ARHGAP8: variants seen among roughly 807,000 people sequenced by gnomAD.
ARHGAP8 encodes the protein Rho GTPase activating protein 8.
ARHGAP8 carries 62 observed loss-of-function variants against 46.1 expected under a neutral mutation model. The observed-to-expected ratio is 1.34, with a 90% CI of 1.10 to 1.66. ARHGAP8 has a LOEUF of 1.66. Ranked by LOEUF, ARHGAP8 falls within the 40% of genes most tolerant of loss-of-function variation. ARHGAP8 has a pLI of 0.00. For synonymous variants in ARHGAP8, 375 were observed against 243.1 expected, an observed-to-expected ratio of 1.54 and a Z score of -5.05; for missense variants, 923 against 568.4, an observed-to-expected ratio of 1.62 and a Z score of -6.34.
rs960446465 is a variant in ARHGAP8 at position 44,796,649 on chromosome 22, G to T, written c.80-5428G>T. 3.3e-5 allele frequency among the ~76,000 whole-genome samples: 5 copies of T among 152,102 alleles called. No homozygotes were observed. The East Asian group carries it at 9.7e-4, about 29-fold the overall frequency. ...CCAGTTGGTGATGCTATGATGATGGGCCCAAAGGGGAGGCCTCTTAACTCC... is the reference window on the plus strand; with the variant it reads ...CCAGTTGGTGATGCTATGATGATGGTCCCAAAGGGGAGGCCTCTTAACTCC... On this transcript the variant is annotated intron_variant, in intron 2 of 11. Transcript: ENST00000356099.
At chr22:44,775,654 C>G (rs891334350) in intron 1 of ARHGAP8, among the ~76,000 whole-genome samples, 10 of 151,606 alleles carry the variant, frequency 6.6e-5, no homozygotes, top group African/African-American at 2.4e-4. Flanking sequence ...TTCATCATGT[C>G]GGCTGGGCTG....
intron 1 of ARHGAP8, among the ~76,000 whole-genome samples, chr22:44,776,989 C>G (rs972321320): frequency 1.3e-5 from 2 of 152,140 alleles, no homozygotes; most frequent in Non-Finnish European, 2.9e-5. Flanking sequence ...GCTGTTCCTG[C>G]TGTTTCTGGG....
Position 44,778,843 on chromosome 22 carries a change from C to T in ARHGAP8, c.-71-7614C>T, listed in dbSNP as rs1926611698. Reference sequence around the variant, plus strand: ...CATTTCTGCCCCCAGTTCTAATGGTCAGCCCTCCTCTCTCTCTAACCCCAC... The same window carrying T: ...CATTTCTGCCCCCAGTTCTAATGGTTAGCCCTCCTCTCTCTCTAACCCCAC... On this transcript the variant is annotated intron_variant, in intron 1 of 11. Coordinates refer to ENST00000356099, the MANE Select transcript of ARHGAP8 (RefSeq NM_181335.3). Among the ~76,000 whole-genome samples, 6 of 152,152 alleles carry T rather than the reference C, an allele frequency of 3.9e-5. No homozygotes were observed. The South Asian group carries it at 1.2e-3, about 32-fold the overall frequency.
chr22:44,861,703 C>T (rs2070494097), intron 11 of ARHGAP8, among the ~76,000 whole-genome samples: 1 of 152,156 alleles, frequency 6.6e-6, no homozygotes, highest in Non-Finnish European at 1.5e-5. Flanking sequence ...ACTGGCTGGC[C>T]ACATGACCTT....
chr22:44,823,025 T>TG (rs777741172), intron 6 of ARHGAP8, among the ~76,000 whole-genome samples: 9 of 152,242 alleles, frequency 5.9e-5, no homozygotes, highest in Non-Finnish European at 1.3e-4. Flanking sequence ...ACCCCCAGCC[T>TG]GGGTTCCCTC....
intron 7 of ARHGAP8, among the ~76,000 whole-genome samples, chr22:44,838,793 T>A (rs762290163): frequency 3.3e-5 from 5 of 152,200 alleles, no homozygotes; most frequent in Non-Finnish European, 5.9e-5. Flanking sequence ...TGGGCCCATT[T>A]GTTCATCTGT....
intron 11 of ARHGAP8, 58 bp downstream of exon 11, chr22:44,859,892 G>T (rs927984774): frequency 2.5e-6 from 4 of 1,578,848 alleles, no homozygotes; most frequent in African/African-American, 2.7e-5. Context: ...TCCCATGCTG[G>T]GCCCGCATGG....
intron 10 of ARHGAP8, among the ~76,000 whole-genome samples, chr22:44,859,195 T>C (rs1432243683): frequency 6.6e-6 from 1 of 152,262 alleles, no homozygotes; most frequent in East Asian, 1.9e-4. Context: ...TGATAGGGCT[T>C]GGATCTGAGT....
At chr22:44,758,499 C>A (rs1461421296) in intron 1 of ARHGAP8, among the ~76,000 whole-genome samples, 6 of 152,070 alleles carry the variant, frequency 3.9e-5, no homozygotes. Context: ...CCCAGGCAGC[C>A]GGTGAGGAGG....
intron 10 of ARHGAP8, 153 bp downstream of exon 10, chr22:44,849,213 T>G (rs555118729): frequency 7.1e-7 from 1 of 1,408,724 alleles, no homozygotes; most frequent in African/African-American, 1.4e-5. Context: ...GAGAGGGGGT[T>G]GTTGGGGCTG....
intron 3 of ARHGAP8, among the ~76,000 whole-genome samples, chr22:44,805,532 G>A (rs1379748186): frequency 1.3e-5 from 2 of 152,046 alleles, no homozygotes; most frequent in Non-Finnish European, 2.9e-5. Flanking sequence ...GCTTATCCAA[G>A]ATTCCTTTAC....
At chr22:44,830,128 A>G (rs755166524) in intron 7 of ARHGAP8, among the ~76,000 whole-genome samples, 26 of 147,346 alleles carry the variant, frequency 1.8e-4, no homozygotes, top group Admixed American at 2.7e-4. Context: ...GGTTCAAGCA[A>G]TTCTCCTGTC....
chr22:44,862,230 C>A (rs113162278), intron 11 of ARHGAP8, 45 bp from the exon 12 acceptor site: 3 of 1,543,344 alleles, frequency 1.9e-6, no homozygotes, highest in East Asian at 4.5e-5. Flanking sequence ...GGTGCCCGTG[C>A]CCCTTGGTGT....
In ARHGAP8 at chr22:44,860,526, G is replaced by A. The variant is rs559699698; in HGVS notation, c.981+692G>A. Among the ~76,000 whole-genome samples the A allele has an allele frequency of 8.5e-4, 98 of 115,724 alleles. 1 individual carries two copies. Among genetic ancestry groups the A allele is most frequent in the African/African-American group, 2.8e-3 (90 of 31,584 alleles). 75.9% of individuals were successfully genotyped at this position (115,724 alleles called of 152,430 possible). On this transcript the variant is annotated intron_variant, in intron 11 of 11. Coordinates refer to ENST00000356099, the MANE Select transcript of ARHGAP8 (RefSeq NM_181335.3). ...GGTTTAGGACCCACCCAGATGACGCGGGATGATCTCATCTTGAGATCCTCA... is the reference window on the plus strand; with the variant it reads ...GGTTTAGGACCCACCCAGATGACGCAGGATGATCTCATCTTGAGATCCTCA...
intron 3 of ARHGAP8, among the ~76,000 whole-genome samples, chr22:44,807,132 CAG>C (rs1173666006): frequency 1.3e-5 from 2 of 152,130 alleles, no homozygotes; most frequent in East Asian, 3.9e-4. Flanking sequence ...CCCACAGCCT[CAG>C]AGAGTGGGGC....
chr22:44,816,528 T>C (rs1222164433), intron 5 of ARHGAP8, among the ~76,000 whole-genome samples: 1 of 152,144 alleles, frequency 6.6e-6, no homozygotes, highest in Non-Finnish European at 1.5e-5. Flanking sequence ...AGAGCTACTC[T>C]GCAGCCAGAC....
intron 7 of ARHGAP8, among the ~76,000 whole-genome samples, chr22:44,841,038 G>C (rs1931617190): frequency 6.6e-6 from 1 of 152,192 alleles, no homozygotes; most frequent in African/African-American, 2.4e-5. Context: ...ATGCAGGGCT[G>C]CCTTTCAGGG....
At position 44,859,921 on chromosome 22, in the gene ARHGAP8, C is replaced by T. The variant is rs1028993613; in HGVS notation, c.981+87C>T. On this transcript the variant is annotated intron_variant, in intron 11 of 11. Transcript: ENST00000356099. ...CGCATGGACCAGTCCCCTCCTTGCC[C>T]TGGGTCTGGGGTCATGCCCTGCTTG... 50 of 1,475,858 alleles carry T rather than the reference C, an allele frequency of 3.4e-5. 1 individual carries two copies. The highest frequency in any genetic ancestry group is 1.4e-4 in the East Asian group (6 of 43,198). 91.4% of individuals were successfully genotyped at this position (1,475,858 alleles called of 1,614,324 possible). A position where few individuals can be genotyped will look rare whatever the true frequency, so the allele number is the denominator to read the frequency against.
chr22:44,801,734 G>T (rs1928567519), intron 2 of ARHGAP8: 5 of 281,478 alleles, frequency 1.8e-5, no homozygotes. Context: ...AGGTAGAGTG[G>T]CTACACCCTG....
Sources: allele counts gnomAD v4.1 joint callset (sites outside exome capture counted in the v4.1 genomes callset), GRCh38; gene constraint gnomAD v4.1.1; transcripts MANE v1.5; gene names NCBI Gene and HGNC (gene_info 2026-07-23, HGNC 2026-07-21).